Variants in GASK1B observed in about 807,000 individuals in gnomAD.
GASK1B encodes the protein golgi associated kinase 1B.
GASK1B carries 34 observed loss-of-function variants against 42.8 expected under a neutral mutation model. The ratio of observed to expected loss-of-function variants is 0.79; its 90% CI spans 0.60 to 1.06. GASK1B has a LOEUF of 1.06. GASK1B is among the 50% of genes least tolerant of loss of function. GASK1B has a pLI of 0.00. For synonymous variants in GASK1B, 262 were observed against 259.1 expected (o/e 1.01, Z -0.11); for missense variants, 686 against 661.0 (o/e 1.04, Z -0.42).
chr4:158,138,167 C>G (rs1268636962), intron 3 of GASK1B, among the ~76,000 whole-genome samples: 2 of 152,122 alleles, frequency 1.3e-5, no homozygotes, highest in East Asian at 3.8e-4. Context: ...ATATACTGCA[C>G]CTCTCAATAA....
intron 3 of GASK1B, among the ~76,000 whole-genome samples, chr4:158,145,411 A>G (rs1472787653): frequency 6.6e-6 from 1 of 152,206 alleles, no homozygotes; most frequent in African/African-American, 2.4e-5. Context: ...GAATTTATGA[A>G]TATAAGTTTA....
chr4:158,142,419 T>C (rs963476246), intron 3 of GASK1B, among the ~76,000 whole-genome samples: 1 of 152,090 alleles, frequency 6.6e-6, no homozygotes, highest in African/African-American at 2.4e-5. Flanking sequence ...ACACACCTTA[T>C]GAGGAACCAG....
Position 158,124,847 on chromosome 4 carries a change from A to C in GASK1B, c.*2560T>G, listed in dbSNP as rs1211817641. The C allele has an allele frequency of 6.6e-6, 1 of 152,194 alleles. No homozygotes were observed. The highest frequency in any genetic ancestry group is 2.4e-5 in the African/African-American group (1 of 41,454). 9.4% of individuals were successfully genotyped at this position (152,194 alleles called of 1,614,324 possible). A position where few individuals can be genotyped will look rare whatever the true frequency, so the allele number is the denominator to read the frequency against. On this transcript the variant is annotated 3_prime_UTR_variant, in exon 5 of 5. Coordinates refer to ENST00000585682, the MANE Select transcript of GASK1B (RefSeq NM_001128424.2). ...TGAACTCATCTGCAAAATAAAAAGC[A>C]CATATCTTTAATTTCTAATGTTTTA...
chr4:158,150,228 G>A (rs995880780), intron 3 of GASK1B, among the ~76,000 whole-genome samples: 2 of 152,100 alleles, frequency 1.3e-5, no homozygotes, highest in Non-Finnish European at 2.9e-5. Flanking sequence ...CTCGGCCTCT[G>A]CATGTATTTT....
intron 3 of GASK1B, 119 bp from the exon 4 acceptor site, chr4:158,131,131 A>G: frequency 1.3e-6 from 1 of 776,378 alleles, no homozygotes; most frequent in East Asian, 2.7e-5. Context: ...TAAGAGGGCC[A>G]GGCTCATTTA....
intron 2 of GASK1B, among the ~76,000 whole-genome samples, chr4:158,160,068 T>C (rs1263042729): frequency 6.6e-6 from 1 of 152,068 alleles, no homozygotes; most frequent in African/African-American, 2.4e-5. Flanking sequence ...AGACTCCTTG[T>C]GAACAAGATA....
intron 3 of GASK1B, among the ~76,000 whole-genome samples, chr4:158,136,458 T>C (rs4691459): frequency 1.3e-5 from 2 of 152,118 alleles, no homozygotes; most frequent in African/African-American, 2.4e-5. Flanking sequence ...TGAAGGCAAG[T>C]GGGTAGGGCA....
In GASK1B at chr4:158,171,161, C is replaced by A. The variant is rs1732511127; in HGVS notation, c.215G>T (p.Arg72Leu). The A allele has an allele frequency of 1.9e-6, 3 of 1,608,610 alleles. No homozygotes were observed. The highest frequency in any genetic ancestry group is 2.2e-5 in the East Asian group (1 of 44,704). ...GGATGGCTCGGCGGTGTCGCGGCTGCGATGTGGCCCCTTCTCAGCCGCCTG... is the reference window on the plus strand; with the variant it reads ...GGATGGCTCGGCGGTGTCGCGGCTGAGATGTGGCCCCTTCTCAGCCGCCTG... ...HGQAAEKGPHRSRDTAEPSFP... is the reference protein window; with the variant it reads ...HGQAAEKGPHLSRDTAEPSFP... The change falls in exon 2 of 5, where the codon CGC (arginine) becomes CTC (leucine). Residue 72 changes from arginine (R) to leucine (L), a missense_variant. Arg to Leu is a moderately radical substitution (Grantham distance 102, BLOSUM62 -2). Coordinates refer to ENST00000585682, the MANE Select transcript of GASK1B (RefSeq NM_001128424.2).
At chr4:158,136,805 C>A (rs1019624362) in intron 3 of GASK1B, among the ~76,000 whole-genome samples, 2 of 152,104 alleles carry the variant, frequency 1.3e-5, no homozygotes, top group African/African-American at 4.8e-5. Flanking sequence ...GAATGCATAT[C>A]AGAGAGAAAG....
At chr4:158,160,169 G>T (rs924056401) in intron 2 of GASK1B, among the ~76,000 whole-genome samples, 1 of 152,130 alleles carries the variant, frequency 6.6e-6, no homozygotes, top group African/African-American at 2.4e-5. Flanking sequence ...AACTTGAGTG[G>T]CATCTTTGTT....
At chr4:158,158,067 G>A (rs1579040449) in intron 2 of GASK1B, among the ~76,000 whole-genome samples, 1 of 152,002 alleles carries the variant, frequency 6.6e-6, no homozygotes, top group East Asian at 1.9e-4. Context: ...TTAGAGCTCA[G>A]ACTCTGGAAT....
In GASK1B at chr4:158,171,202, G is replaced by C. The variant is rs1281457125; in HGVS notation, c.174C>G (p.Ala58=). The change falls in exon 2 of 5, where the codon GCC becomes GCG. Residue 58 remains alanine (A), a synonymous_variant. Transcript: ENST00000585682. ...CAGCCGCCTGTCCATGCTGGAGAGA[G>C]GCCCTCCCCACCTGGCTCACCAGGA... ...LGFLVSQVGR[A]SLQHGQAAEK... 6.2e-7 allele frequency: 1 copy of C among 1,613,790 alleles called. No individual in the cohort carries two copies.
At chr4:158,170,200 G>C in intron 2 of GASK1B, 1 of 1,598,538 alleles carries the variant, frequency 6.3e-7, no homozygotes, top group East Asian at 2.2e-5. Context: ...CCACTGGGAA[G>C]TGAAGCGAGG....
chr4:158,148,176 T>C (rs1731405303), intron 3 of GASK1B, among the ~76,000 whole-genome samples: 1 of 152,154 alleles, frequency 6.6e-6, no homozygotes, highest in Admixed American at 6.5e-5. Flanking sequence ...ATCACACCAC[T>C]GCACTCCAGC....
chr4:158,144,334 C>G (rs1731251633), intron 3 of GASK1B, among the ~76,000 whole-genome samples: 1 of 152,164 alleles, frequency 6.6e-6, no homozygotes, highest in Admixed American at 6.5e-5. Flanking sequence ...ATCATCAATA[C>G]TGAAATAATT....
chr4:158,146,224 G>A (rs1193577423), intron 3 of GASK1B, among the ~76,000 whole-genome samples: 1 of 151,636 alleles, frequency 6.6e-6, no homozygotes, highest in Admixed American at 6.6e-5. Context: ...TTGTTACAAA[G>A]TTGAAAAAGA....
Position 158,155,794 on chromosome 4 carries a change from A to T in GASK1B, c.942T>A (p.Asp314Glu). ...DGRPCPIILW[D>E]ASLSSASNDT... ...CATTACTTGCTGAAGATAAAGATGC[A>T]TCCCAAAGAATGATGGGGCATGGGC... is the stretch of plus-strand genomic sequence containing the variant. The change falls in exon 3 of 5, where the codon GAT (aspartate) becomes GAA (glutamate). Residue 314 changes from aspartate (D) to glutamate (E), a missense_variant. Coordinates refer to ENST00000585682, the MANE Select transcript of GASK1B (RefSeq NM_001128424.2). 6.2e-7 allele frequency: 1 copy of T among 1,613,812 alleles called. No individual in the cohort carries two copies. The highest frequency in any genetic ancestry group is 8.5e-7 in the Non-Finnish European group (1 of 1,179,770).
At chr4:158,136,255 T>C (rs953468848) in intron 3 of GASK1B, among the ~76,000 whole-genome samples, 2 of 152,018 alleles carry the variant, frequency 1.3e-5, no homozygotes, top group South Asian at 4.2e-4. Context: ...GGTGCAGTTA[T>C]GTGCACCTAC....
intron 3 of GASK1B, among the ~76,000 whole-genome samples, chr4:158,137,767 C>T (rs1465996296): frequency 3.9e-5 from 6 of 152,120 alleles, no homozygotes; most frequent in South Asian, 2.1e-4. Flanking sequence ...GAACTCTCAC[C>T]GCATAAAATA....
Sources: gnomAD v4.1 joint callset for allele counts (sites outside exome capture counted in the v4.1 genomes callset) on GRCh38, gnomAD v4.1.1 for gene constraint, MANE v1.5 for transcripts, NCBI Gene and HGNC (gene_info 2026-07-23, HGNC 2026-07-21) for gene names.